The following MRTFB variants were observed in gnomAD, a reference collection of about 807,000 sequenced individuals.
The protein encoded by MRTFB is myocardin related transcription factor B, also known as myocardin-related transcription factor B.
MRTFB carries 29 observed loss-of-function variants against 104.2 expected under a neutral mutation model. That is an observed-to-expected ratio of 0.28 (90% CI 0.21 to 0.38). MRTFB has a LOEUF of 0.38. MRTFB is among the 10% of genes least tolerant of loss of function. The pLI is 1.00. For missense variants in MRTFB, 1,270 were observed against 1,341.6 expected, an observed-to-expected ratio of 0.95 and a Z score of 0.83; for synonymous variants, 535 against 519.5, an observed-to-expected ratio of 1.03 and a Z score of -0.41.
At chr16:14,062,813 T>C in the MRTFB span, among the ~76,000 whole-genome samples, 1 of 152,124 alleles carries the variant, frequency 6.6e-6, no homozygotes. Flanking sequence ...TCCTGCGCCA[T>C]GAAACATCAG....
chr16:14,212,538 A>G (rs1567174609), intron 5 of MRTFB, 129 bp downstream of exon 5: 1 of 792,168 alleles, frequency 1.3e-6, no homozygotes. Context: ...TTTTCAGGAT[A>G]CATGGCATAG....
chr16:14,090,880 G>GT (rs2035018192), intron 2 of MRTFB, among the ~76,000 whole-genome samples: 1 of 2,636 alleles, frequency 3.8e-4, no homozygotes, highest in South Asian at 9.4e-3. Flanking sequence ...GTTCAGCATG[G>GT]TGTGTGTGTG....
At chr16:14,111,272 A>G (rs567429703) in intron 2 of MRTFB, among the ~76,000 whole-genome samples, 1 of 152,348 alleles carries the variant, frequency 6.6e-6, no homozygotes, top group African/African-American at 2.4e-5. Flanking sequence ...CAGCAGGGAA[A>G]GACAAGTAGA....
At chr16:14,182,101 C>T (rs1350346305) in intron 3 of MRTFB, among the ~76,000 whole-genome samples, 1 of 152,188 alleles carries the variant, frequency 6.6e-6, no homozygotes. Context: ...AGTAGAGGAA[C>T]AAGGGCAAAC....
At chr16:14,089,406 A>G (rs1258725329) in intron 2 of MRTFB, among the ~76,000 whole-genome samples, 1 of 152,216 alleles carries the variant, frequency 6.6e-6, no homozygotes, top group African/African-American at 2.4e-5. Flanking sequence ...TCATAAAAAT[A>G]TGTGACCTTT....
chr16:14,149,265 G>A (rs2038491706), intron 3 of MRTFB: 1 of 152,018 alleles, frequency 6.6e-6, no homozygotes, highest in South Asian at 2.1e-4. Flanking sequence ...AATGCTAATC[G>A]TTGGGTGTCT....
At chr16:14,234,981 T>C (rs554175264) in intron 9 of MRTFB, among the ~76,000 whole-genome samples, 2 of 152,116 alleles carry the variant, frequency 1.3e-5, no homozygotes, top group East Asian at 3.9e-4. Context: ...TCTCAAACTT[T>C]TAAAACTAAA....
the MRTFB span, among the ~76,000 whole-genome samples, chr16:13,996,732 T>A: frequency 6.6e-6 from 1 of 152,182 alleles, no homozygotes. Flanking sequence ...AAGAGAGGGA[T>A]AGGCCTGGTT....
At chr16:14,048,860 T>C in the MRTFB span, among the ~76,000 whole-genome samples, 6 of 152,206 alleles carry the variant, frequency 3.9e-5, no homozygotes, top group Non-Finnish European at 8.8e-5. Flanking sequence ...TCTGTCTCCC[T>C]GGGACCTATG....
intron 3 of MRTFB, among the ~76,000 whole-genome samples, chr16:14,154,509 A>G (rs888851287): frequency 6.6e-5 from 10 of 152,224 alleles, no homozygotes; most frequent in Non-Finnish European, 1.3e-4. Flanking sequence ...ATTTACATTT[A>G]AGGTAATTAT....
At chr16:13,999,535 C>T in the MRTFB span, among the ~76,000 whole-genome samples, 181 of 148,650 alleles carry the variant, frequency 1.2e-3, no homozygotes, top group African/African-American at 4.4e-3. Flanking sequence ...AAAAAAAAAG[C>T]TTTCTCTCTT....
In MRTFB at chr16:14,166,496, TTTG is replaced by T. The variant is rs778407959; in HGVS notation, c.154+25751_154+25753del. On this transcript the variant is annotated intron_variant, in intron 3 of 16. Transcript: ENST00000571589. ...GTGAAGTACAAAAGTGGTTTACATT[TTTG>T]TTGTTGTTGTTGTTTGCTTAAGTTC... 2.2e-4 allele frequency among the ~76,000 whole-genome samples: 33 copies of T among 152,218 alleles called. No homozygotes were observed. The East Asian group carries it at 4.2e-3, about 20-fold the overall frequency.
intron 2 of MRTFB, among the ~76,000 whole-genome samples, chr16:14,096,816 G>A (rs1057285535): frequency 6.6e-6 from 1 of 152,144 alleles, no homozygotes. Flanking sequence ...TTGGGTCCCT[G>A]TTCCTAAGCT....
chr16:14,120,821 G>A (rs1294459422), intron 2 of MRTFB, among the ~76,000 whole-genome samples: 1 of 152,098 alleles, frequency 6.6e-6, no homozygotes, highest in African/African-American at 2.4e-5. Context: ...ATTTTGTGGA[G>A]GGCTTTGAGG....
the MRTFB span, among the ~76,000 whole-genome samples, chr16:13,998,871 CAAAAAAAAAAAAAAAAAAAAAAAAAAA>C: frequency 7.4e-4 from 22 of 29,654 alleles, no homozygotes; most frequent in Admixed American, 6.6e-3. Context: ...GACTCTGTTT[CAAAAAAAAAAAAAAAAAAAAAAAAAAA>C]AAAAAAAAAA....
At chr16:14,138,216 T>C (rs1348600018) in intron 2 of MRTFB, among the ~76,000 whole-genome samples, 1 of 152,054 alleles carries the variant, frequency 6.6e-6, no homozygotes, top group Non-Finnish European at 1.5e-5. Context: ...CACAACAGGG[T>C]GTTACAATTT....
intron 1 of MRTFB, among the ~76,000 whole-genome samples, chr16:14,075,967 A>G (rs979858977): frequency 1.3e-5 from 2 of 152,152 alleles, no homozygotes; most frequent in African/African-American, 2.4e-5. Context: ...ATTTTGAGAA[A>G]TCTAAATTCC....
chr16:14,192,787 A>G (rs1219167908), intron 3 of MRTFB, among the ~76,000 whole-genome samples: 2 of 152,084 alleles, frequency 1.3e-5, no homozygotes, highest in South Asian at 2.1e-4. Flanking sequence ...GATGTTTCCA[A>G]TGGGCCTTTT....
At chr16:14,064,353 T>A in the MRTFB span, among the ~76,000 whole-genome samples, 4,047 of 152,302 alleles carry the variant, frequency 0.027, 72 homozygotes, top group Middle Eastern at 0.085. Flanking sequence ...AAGTTCCTTA[T>A]AGATTTTGGA....
Sources: gnomAD v4.1 joint callset for allele counts (sites outside exome capture counted in the v4.1 genomes callset) on GRCh38, gnomAD v4.1.1 for gene constraint, MANE v1.5 for transcripts, NCBI Gene and HGNC (gene_info 2026-07-23, HGNC 2026-07-21) for gene names.